Variants in DPH6 observed in about 807,000 individuals in gnomAD.
The protein encoded by DPH6 is diphthine--ammonia ligase.
In DPH6, 33 loss-of-function variants were observed where a neutral mutation model predicts 38.2. The observed-to-expected ratio is 0.86, with a 90% CI of 0.65 to 1.15. DPH6 has a LOEUF of 1.15. Ranked by LOEUF, DPH6 falls within the 50% of genes most tolerant of loss-of-function variation. The pLI, the probability that DPH6 is intolerant of heterozygous loss-of-function variation, is 0.00. For synonymous variants in DPH6, 108 were observed against 103.0 expected (o/e 1.05, Z -0.30); for missense variants, 325 against 320.0 (o/e 1.02, Z -0.12).
the DPH6 span, among the ~76,000 whole-genome samples, chr15:35,192,467 C>T: frequency 2.8e-3 from 420 of 152,250 alleles, 2 homozygotes; most frequent in African/African-American, 9.6e-3. Flanking sequence ...CTCTATTTTT[C>T]CCCCATTTAA....
the DPH6 span, among the ~76,000 whole-genome samples, chr15:35,163,348 A>G: frequency 6.6e-6 from 1 of 151,878 alleles, no homozygotes; most frequent in African/African-American, 2.4e-5. Flanking sequence ...CCGAAGTGAA[A>G]TCATGCAACA....
At chr15:35,407,213 C>T (rs757752013) in intron 6 of DPH6, among the ~76,000 whole-genome samples, 12 of 151,638 alleles carry the variant, frequency 7.9e-5, no homozygotes, top group Non-Finnish European at 1.2e-4. Flanking sequence ...TCTGGTCCCT[C>T]GGAGCGGAAA....
At chr15:35,343,898 T>C (rs904460716) in intron 3 of DPH6, among the ~76,000 whole-genome samples, 3 of 151,944 alleles carry the variant, frequency 2.0e-5, no homozygotes, top group African/African-American at 4.8e-5. Context: ...TGTGAAAATA[T>C]GATGTTACTA....
intron 3 of DPH6, among the ~76,000 whole-genome samples, chr15:35,509,836 T>C (rs928753597): frequency 3.3e-5 from 5 of 152,234 alleles, no homozygotes; most frequent in Admixed American, 6.5e-5. Context: ...CTTCTTTTGC[T>C]ACCTCAGGAA....
chr15:35,391,432 C>T (rs2053055714), intron 6 of DPH6, among the ~76,000 whole-genome samples: 1 of 152,180 alleles, frequency 6.6e-6, no homozygotes, highest in African/African-American at 2.4e-5. Flanking sequence ...TGTGCCCTGC[C>T]CCCAGAGGTG....
At chr15:35,303,788 C>T (rs1230887343) in intron 3 of DPH6, among the ~76,000 whole-genome samples, 1 of 150,498 alleles carries the variant, frequency 6.6e-6, no homozygotes, top group Non-Finnish European at 1.5e-5. Flanking sequence ...CATCTTTTTT[C>T]CCCTTTTTTT....
chr15:35,416,223 CA>C (rs2053434455), intron 5 of DPH6, among the ~76,000 whole-genome samples: 1 of 151,974 alleles, frequency 6.6e-6, no homozygotes, highest in African/African-American at 2.4e-5. Context: ...TCCTGGGTCG[CA>C]GGTTGAATAA....
At chr15:35,262,478 A>G (rs1159035995) in intron 3 of DPH6, among the ~76,000 whole-genome samples, 1 of 152,072 alleles carries the variant, frequency 6.6e-6, no homozygotes, top group Non-Finnish European at 1.5e-5. Flanking sequence ...AGGCCGAGGC[A>G]GGGGGATCAC....
chr15:35,518,131 A>G (rs2054872729), intron 3 of DPH6, among the ~76,000 whole-genome samples: 2 of 152,040 alleles, frequency 1.3e-5, no homozygotes, highest in South Asian at 4.1e-4. Context: ...AACATCTTTT[A>G]TGTGCCAGGT....
intron 2 of DPH6, among the ~76,000 whole-genome samples, chr15:35,539,540 T>C (rs1019854181): frequency 6.6e-6 from 1 of 152,022 alleles, no homozygotes; most frequent in Non-Finnish European, 1.5e-5. Context: ...ATATGAACTA[T>C]CTCTCAAATT....
At chr15:35,431,841 G>A (rs2053636001) in intron 5 of DPH6, among the ~76,000 whole-genome samples, 2 of 151,998 alleles carry the variant, frequency 1.3e-5, no homozygotes, top group East Asian at 1.9e-4. Flanking sequence ...AGGCTGGAGT[G>A]CAGTGGCGCA....
chr15:35,165,988 C>T, the DPH6 span, among the ~76,000 whole-genome samples: 4 of 151,910 alleles, frequency 2.6e-5, no homozygotes, highest in Non-Finnish European at 4.4e-5. Flanking sequence ...GATTAAACTG[C>T]CTAACACACA....
At chr15:35,395,914 A>G (rs1383530088) in intron 6 of DPH6, among the ~76,000 whole-genome samples, 1 of 152,212 alleles carries the variant, frequency 6.6e-6, no homozygotes, top group Non-Finnish European at 1.5e-5. Flanking sequence ...GTTCTTACAC[A>G]TACTTATCAT....
chr15:35,324,565 A>G (rs1342873317), intron 3 of DPH6, among the ~76,000 whole-genome samples: 1 of 152,184 alleles, frequency 6.6e-6, no homozygotes, highest in East Asian at 1.9e-4. Context: ...TTCGAAAGAC[A>G]GCTCTTATAT....
chr15:35,189,071 T>C, the DPH6 span, among the ~76,000 whole-genome samples: 4 of 152,222 alleles, frequency 2.6e-5, no homozygotes, highest in Admixed American at 1.3e-4. Flanking sequence ...CTCTTTCTTT[T>C]AACTTCAGAG....
intron 6 of DPH6, among the ~76,000 whole-genome samples, chr15:35,390,183 T>C (rs2053033905): frequency 6.6e-6 from 1 of 152,248 alleles, no homozygotes; most frequent in South Asian, 2.1e-4. Flanking sequence ...CACTCTCTTC[T>C]GGCTTGTAGA....
At chr15:35,444,143 C>G (rs2053821997) in intron 5 of DPH6, among the ~76,000 whole-genome samples, 1 of 152,190 alleles carries the variant, frequency 6.6e-6, no homozygotes. Flanking sequence ...TTTAAATGCA[C>G]ATTCATAGTC....
chr15:35,145,989 T>TG, the DPH6 span, among the ~76,000 whole-genome samples: 19 of 151,676 alleles, frequency 1.3e-4, no homozygotes, highest in Non-Finnish European at 2.2e-4. Context: ...CATACCCAAA[T>TG]AAACAAAAGC....
intron 3 of DPH6, among the ~76,000 whole-genome samples, chr15:35,305,249 G>T (rs2052080447): frequency 6.6e-6 from 1 of 152,008 alleles, no homozygotes; most frequent in South Asian, 2.1e-4. Flanking sequence ...CTTTTCTAGG[G>T]TGTGTTTTGC....
Sources: gnomAD v4.1 joint callset for allele counts (sites outside exome capture counted in the v4.1 genomes callset) on GRCh38, gnomAD v4.1.1 for gene constraint, MANE v1.5 for transcripts, NCBI Gene and HGNC (gene_info 2026-07-23, HGNC 2026-07-21) for gene names.